Variants in CEMIP2 observed in about 807,000 individuals in gnomAD.
CEMIP2 encodes cell migration inducing hyaluronidase 2.
CEMIP2 carries 79 observed loss-of-function variants against 146.9 expected under a neutral mutation model. The ratio of observed to expected loss-of-function variants is 0.54; its 90% CI spans 0.45 to 0.65. The LOEUF (loss-of-function observed/expected upper bound fraction) is 0.65, where lower values mean the gene tolerates loss of function less well. CEMIP2 is among the 30% of genes least tolerant of loss of function. CEMIP2 has a pLI of 0.00. For synonymous variants in CEMIP2, 601 were observed against 606.3 expected (o/e 0.99, Z 0.13); for missense variants, 1,596 against 1,696.2 (o/e 0.94, Z 1.04).
intron 15 of CEMIP2, among the ~76,000 whole-genome samples, chr9:71,712,959 G>C (rs2131911858): frequency 6.6e-6 from 1 of 152,266 alleles, no homozygotes; most frequent in East Asian, 1.9e-4. Context: ...GATCTCTATA[G>C]CAACTAATTA....
intron 22 of CEMIP2, among the ~76,000 whole-genome samples, chr9:71,689,617 T>C (rs1170140171): frequency 6.6e-6 from 1 of 152,164 alleles, no homozygotes; most frequent in African/African-American, 2.4e-5. Context: ...ATCACAATCA[T>C]AGTGCAATGC....
chr9:71,700,957 TTTC>T, intron 18 of CEMIP2, 133 bp from the exon 19 acceptor site: 1 of 810,892 alleles, frequency 1.2e-6, no homozygotes, highest in Non-Finnish European at 1.8e-6. Context: ...CCTCCTTAAA[TTTC>T]TTCTGTGTGT....
chr9:71,706,039 A>C (rs1822724422), intron 17 of CEMIP2, among the ~76,000 whole-genome samples: 1 of 151,840 alleles, frequency 6.6e-6, no homozygotes, highest in Admixed American at 6.6e-5. Context: ...CACCAGCCTG[A>C]CCAATATGGT....
chr9:71,711,743 T>C (rs1369637806), intron 16 of CEMIP2, among the ~76,000 whole-genome samples: 1 of 152,320 alleles, frequency 6.6e-6, no homozygotes, highest in Middle Eastern at 3.4e-3. Flanking sequence ...AATCTCTTAG[T>C]GGAAATGGGC....
intron 2 of CEMIP2, 82 bp downstream of exon 2, chr9:71,749,956 TTAAGA>T (rs1268613739): frequency 2.1e-5 from 26 of 1,262,816 alleles, no homozygotes; most frequent in African/African-American, 7.6e-5. Context: ...TAGGGCCAAC[TTAAGA>T]TAAATTTTTT....
intron 4 of CEMIP2, among the ~76,000 whole-genome samples, chr9:71,744,179 G>A (rs1185173560): frequency 1.3e-5 from 2 of 152,068 alleles, no homozygotes; most frequent in East Asian, 1.9e-4. Context: ...GTTTAGACCA[G>A]CCTGGGCAAC....
At chr9:71,695,796 A>G (rs1822382105) in intron 20 of CEMIP2, among the ~76,000 whole-genome samples, 1 of 152,174 alleles carries the variant, frequency 6.6e-6, no homozygotes, top group African/African-American at 2.4e-5. Flanking sequence ...TACTCCTAAT[A>G]TAAATGTGTT....
At chr9:71,745,796 G>A (rs926984829) in intron 3 of CEMIP2, among the ~76,000 whole-genome samples, 2 of 152,084 alleles carry the variant, frequency 1.3e-5, no homozygotes, top group Non-Finnish European at 2.9e-5. Flanking sequence ...TCACTTTAGA[G>A]GTTAAATCAT....
intron 12 of CEMIP2, among the ~76,000 whole-genome samples, chr9:71,720,869 T>C (rs897924245): frequency 6.6e-6 from 1 of 152,170 alleles, no homozygotes; most frequent in Non-Finnish European, 1.5e-5. Flanking sequence ...TATGTAGTTA[T>C]AAACTAGTAA....
chr9:71,696,284 T>C (rs969609955), intron 20 of CEMIP2, among the ~76,000 whole-genome samples: 3 of 152,164 alleles, frequency 2.0e-5, no homozygotes, highest in Non-Finnish European at 4.4e-5. Flanking sequence ...CCACAAAGAC[T>C]ACCTCAAAAT....
chr9:71,760,909 A>G (rs72739812), intron 1 of CEMIP2, among the ~76,000 whole-genome samples: 5 of 152,308 alleles, frequency 3.3e-5, no homozygotes, highest in African/African-American at 4.8e-5. Context: ...TTTTCCTATT[A>G]ATATTTCTCA....
chr9:71,735,192 T>A (rs1823729785), intron 5 of CEMIP2, among the ~76,000 whole-genome samples, 198 bp from the exon 6 acceptor site: 1 of 152,100 alleles, frequency 6.6e-6, no homozygotes, highest in Admixed American at 6.6e-5. Context: ...GATCCCTGCC[T>A]TCAAGGGGTG....
intron 17 of CEMIP2, among the ~76,000 whole-genome samples, chr9:71,708,378 G>A (rs963716141): frequency 2.6e-5 from 4 of 152,088 alleles, no homozygotes; most frequent in Admixed American, 2.6e-4. Flanking sequence ...AATACTAAGA[G>A]CAGCGGGCAC....
At chr9:71,700,930 C>A in intron 18 of CEMIP2, 106 bp from the exon 19 acceptor site, 1 of 1,038,680 alleles carries the variant, frequency 9.6e-7, no homozygotes, top group East Asian at 2.8e-5. Context: ...TCTTCCACTT[C>A]CTGCCCATAG....
chr9:71,748,198 G>A (rs549943244), intron 2 of CEMIP2, among the ~76,000 whole-genome samples: 25 of 152,230 alleles, frequency 1.6e-4, no homozygotes, highest in Middle Eastern at 3.4e-3. Context: ...TTTCCCAGGA[G>A]AGCATGGTTC....
chr9:71,710,474 G>A (rs930562613), intron 16 of CEMIP2, among the ~76,000 whole-genome samples: 6 of 152,162 alleles, frequency 3.9e-5, no homozygotes, highest in Admixed American at 6.5e-5. Context: ...GAAAAGCTTA[G>A]AGCATATTTT....
intron 1 of CEMIP2, among the ~76,000 whole-genome samples, chr9:71,752,320 G>C (rs1824276746): frequency 6.6e-6 from 1 of 151,068 alleles, no homozygotes; most frequent in African/African-American, 2.4e-5. Flanking sequence ...AACTATACAT[G>C]CTTCATTTTT....
chr9:71,694,821 A>G (rs982464434), intron 20 of CEMIP2, among the ~76,000 whole-genome samples: 1 of 152,254 alleles, frequency 6.6e-6, no homozygotes, highest in African/African-American at 2.4e-5. Flanking sequence ...AGTTTCAAAT[A>G]AATATTATTC....
chr9:71,697,683 A>G (rs1249864387), intron 20 of CEMIP2: 1 of 290,822 alleles, frequency 3.4e-6, no homozygotes. Context: ...ATTGCAACAG[A>G]ATCAAACATC....
Sources: gnomAD v4.1 joint callset for allele counts (sites outside exome capture counted in the v4.1 genomes callset) on GRCh38, gnomAD v4.1.1 for gene constraint, MANE v1.5 for transcripts, NCBI Gene and HGNC (gene_info 2026-07-23, HGNC 2026-07-21) for gene names.